The following SIPA1L1 variants were observed in gnomAD, a reference collection of about 807,000 sequenced individuals.
SIPA1L1 encodes the protein signal-induced proliferation-associated 1-like protein 1.
In SIPA1L1, 26 loss-of-function variants were observed where a neutral mutation model predicts 162.7. The ratio of observed to expected loss-of-function variants is 0.16; its 90% CI spans 0.12 to 0.22. SIPA1L1 has a LOEUF of 0.22. SIPA1L1 is among the 10% of genes least tolerant of loss of function. The pLI is 1.00. For missense variants in SIPA1L1, 1,874 were observed against 2,241.0 expected, an observed-to-expected ratio of 0.84 and a Z score of 3.31; for synonymous variants, 829 against 837.4, an observed-to-expected ratio of 0.99 and a Z score of 0.17.
chr14:71,502,239 C>T (rs1595792474), intron 2 of SIPA1L1, among the ~76,000 whole-genome samples: 2 of 44,806 alleles, frequency 4.5e-5, no homozygotes, highest in African/African-American at 1.6e-4. Flanking sequence ...CTTTGAGATA[C>T]TTGAAAAAAA....
At chr14:71,375,747 C>CT (rs1366522150) in intron 2 of SIPA1L1, among the ~76,000 whole-genome samples, 1 of 152,078 alleles carries the variant, frequency 6.6e-6, no homozygotes, top group Non-Finnish European at 1.5e-5. Flanking sequence ...GTTCTTTACT[C>CT]TTCTAGTGTG....
chr14:71,678,294 T>C (rs1381220502), intron 12 of SIPA1L1, among the ~76,000 whole-genome samples: 1 of 152,222 alleles, frequency 6.6e-6, no homozygotes, highest in Non-Finnish European at 1.5e-5. Flanking sequence ...AAATAGCTCT[T>C]ATTATTTTGA....
chr14:71,352,022 A>T (rs1166054435), intron 2 of SIPA1L1, among the ~76,000 whole-genome samples: 1 of 151,438 alleles, frequency 6.6e-6, no homozygotes, highest in African/African-American at 2.4e-5. Flanking sequence ...CAGAGGAAAA[A>T]TAAGTAGAAA....
At chr14:71,703,800 C>T (rs1046577756) in intron 15 of SIPA1L1, among the ~76,000 whole-genome samples, 3 of 152,252 alleles carry the variant, frequency 2.0e-5, no homozygotes, top group Admixed American at 1.3e-4. Flanking sequence ...GGAAGTCACA[C>T]GGAGTGAGAA....
chr14:71,337,175 C>T (rs1391856871), intron 2 of SIPA1L1, among the ~76,000 whole-genome samples: 1 of 152,202 alleles, frequency 6.6e-6, no homozygotes, highest in East Asian at 1.9e-4. Context: ...CATTTTTGGC[C>T]TCTACCAGAC....
intron 2 of SIPA1L1, among the ~76,000 whole-genome samples, chr14:71,465,179 C>T (rs912540358): frequency 1.3e-5 from 2 of 152,240 alleles, no homozygotes; most frequent in African/African-American, 4.8e-5. Context: ...CTTTTCCAAT[C>T]AGTGCCCTGA....
At chr14:71,391,392 A>G (rs1002797634) in intron 2 of SIPA1L1, among the ~76,000 whole-genome samples, 3 of 152,180 alleles carry the variant, frequency 2.0e-5, no homozygotes, top group Non-Finnish European at 4.4e-5. Flanking sequence ...GGCGTGAGAC[A>G]CCGCTCCCGG....
intron 4 of SIPA1L1, among the ~76,000 whole-genome samples, chr14:71,543,869 G>GTATA (rs1235529121): frequency 6.9e-6 from 1 of 143,978 alleles, no homozygotes; most frequent in Non-Finnish European, 1.5e-5. Flanking sequence ...TATATCATAC[G>GTATA]TATGTGTATA....
chr14:71,649,351 C>G (rs1045657201), intron 7 of SIPA1L1, among the ~76,000 whole-genome samples: 1 of 152,012 alleles, frequency 6.6e-6, no homozygotes, highest in African/African-American at 2.4e-5. Context: ...ACCACCACAC[C>G]TGGCTAATTT....
chr14:71,459,735 C>T (rs1444221700), intron 2 of SIPA1L1, among the ~76,000 whole-genome samples: 4 of 152,192 alleles, frequency 2.6e-5, no homozygotes, highest in African/African-American at 9.7e-5. Context: ...AAGGGTGGGT[C>T]TGCCTTTCCC....
At position 71,493,943 on chromosome 14, in the gene SIPA1L1, C is replaced by T. The variant is rs76889574; in HGVS notation, c.-464-18800C>T. 1.3e-4 allele frequency among the ~76,000 whole-genome samples: 20 copies of T among 152,298 alleles called. No individual in the cohort carries two copies. The East Asian group carries it at 2.3e-3, about 18-fold the overall frequency. ...TGGGCAGGCCAGCCCGAAGGGACTCCGTGGTTCAGTCTTTACCATGCAATA... is the reference window on the plus strand; with the variant it reads ...TGGGCAGGCCAGCCCGAAGGGACTCTGTGGTTCAGTCTTTACCATGCAATA... On this transcript the variant is annotated intron_variant, in intron 2 of 23. Transcript: ENST00000381232.
intron 5 of SIPA1L1, among the ~76,000 whole-genome samples, chr14:71,594,371 G>GTTCTAT (rs2035785666): frequency 6.6e-6 from 1 of 151,972 alleles, no homozygotes; most frequent in Non-Finnish European, 1.5e-5. Flanking sequence ...AGAACATCAG[G>GTTCTAT]GAATATGATT....
At chr14:71,520,835 C>T (rs1439167971) in intron 3 of SIPA1L1, among the ~76,000 whole-genome samples, 2 of 152,204 alleles carry the variant, frequency 1.3e-5, no homozygotes, top group East Asian at 1.9e-4. Context: ...TCACTGCAGC[C>T]TCCATCTCCC....
At chr14:71,553,721 A>G (rs1446303035) in intron 4 of SIPA1L1, among the ~76,000 whole-genome samples, 1 of 152,200 alleles carries the variant, frequency 6.6e-6, no homozygotes. Context: ...CAGAGATCCC[A>G]TTGTATTGTT....
Position 71,604,680 on chromosome 14 carries a change from A to T in SIPA1L1, c.1499-14077A>T, listed in dbSNP as rs552962297. ...CCTTGGCTGACAGGTTTATTTATTTATTTTTTTTCTTTTTTTTCCCCAGCA... is the reference window on the plus strand; with the variant it reads ...CCTTGGCTGACAGGTTTATTTATTTTTTTTTTTTCTTTTTTTTCCCCAGCA... On this transcript the variant is annotated intron_variant, in intron 5 of 23. Transcript: ENST00000381232. Among the ~76,000 whole-genome samples the T allele has an allele frequency of 4.3e-4, 65 of 151,392 alleles. 1 individual carries two copies. In the South Asian group the frequency reaches 0.01, roughly 24 times the overall value.
chr14:71,332,311 GAT>G (rs2140296889), intron 2 of SIPA1L1, among the ~76,000 whole-genome samples: 2 of 152,218 alleles, frequency 1.3e-5, no homozygotes, highest in African/African-American at 4.8e-5. Flanking sequence ...TTGTATAGCT[GAT>G]ACTCTTCTAG....
intron 2 of SIPA1L1, among the ~76,000 whole-genome samples, chr14:71,436,938 G>A (rs1032346833): frequency 2.6e-5 from 4 of 151,482 alleles, no homozygotes; most frequent in Admixed American, 1.3e-4. Context: ...CTAATTTTTT[G>A]TATTTTTAGT....
At position 71,434,273 on chromosome 14, in the gene SIPA1L1, G is replaced by C. The variant is rs2044214811; in HGVS notation, c.-464-78470G>C. On this transcript the variant is annotated intron_variant, in intron 2 of 23. Transcript: ENST00000381232. ...CAGATGTCCTGTATGTTTAGGTGCA[G>C]TAATGGATATATTTTAAAAGTGTTG... Among the ~76,000 whole-genome samples the C allele has an allele frequency of 2.0e-5, 3 of 152,272 alleles. No individual in the cohort carries two copies. In the South Asian group the frequency reaches 6.2e-4, roughly 32 times the overall value.
At chr14:71,494,296 T>C (rs928924257) in intron 2 of SIPA1L1, among the ~76,000 whole-genome samples, 1 of 152,042 alleles carries the variant, frequency 6.6e-6, no homozygotes, top group Non-Finnish European at 1.5e-5. Context: ...TTACTAAGGC[T>C]TTTTTTCTTT....
Sources: gnomAD v4.1 joint callset for allele counts (sites outside exome capture counted in the v4.1 genomes callset) on GRCh38, gnomAD v4.1.1 for gene constraint, MANE v1.5 for transcripts, NCBI Gene and HGNC (gene_info 2026-07-23, HGNC 2026-07-21) for gene names.